The following SCMH1 variants were observed in gnomAD, a reference collection of about 807,000 sequenced individuals.
SCMH1 encodes Scm polycomb group protein homolog 1, also known as polycomb protein SCMH1.
Under a neutral mutation model 70.8 loss-of-function variants are expected in SCMH1, and 37 were observed. The observed-to-expected ratio is 0.52, with a 90% confidence interval of 0.40 to 0.69. SCMH1 has a LOEUF of 0.69. SCMH1 is among the 30% of genes least tolerant of loss of function. The probability of loss-of-function intolerance (pLI) is 0.00; values close to 1 mark genes in which losing one functional copy is unlikely to be tolerated. For missense variants in SCMH1, 607 were observed against 827.3 expected (o/e 0.73, Z 3.27); for synonymous variants, 292 against 307.4 (o/e 0.95, Z 0.52).
chr1:41,057,211 C>A (rs1442915352), intron 10 of SCMH1, among the ~76,000 whole-genome samples: 2 of 152,102 alleles, frequency 1.3e-5, no homozygotes, highest in Non-Finnish European at 2.9e-5. Flanking sequence ...TGCTTCCCAT[C>A]GCTCCACATC....
rs562409868 is a variant in SCMH1 at position 41,108,803 on chromosome 1, G to C, written c.745+4480C>G. Among the ~76,000 whole-genome samples the C allele has an allele frequency of 2.6e-5, 4 of 152,248 alleles. No individual in the cohort carries two copies. In the South Asian group the frequency reaches 8.3e-4, roughly 32 times the overall value. On this transcript the variant is annotated intron_variant, in intron 8 of 14. Coordinates refer to ENST00000337495, the Ensembl canonical transcript of SCMH1. ...GGAGTCACCTGCTACCTATTCCCAA[G>C]ATCATTAAACTAGATAGTATTACAG...
At chr1:41,207,166 C>T (rs1159892967) in intron 1 of SCMH1, among the ~76,000 whole-genome samples, 1 of 152,184 alleles carries the variant, frequency 6.6e-6, no homozygotes, top group East Asian at 1.9e-4. Flanking sequence ...ATCATAATGA[C>T]AGGATCAAAT....
intron 10 of SCMH1, among the ~76,000 whole-genome samples, chr1:41,060,940 G>T (rs1481390849): frequency 6.6e-6 from 1 of 152,098 alleles, no homozygotes; most frequent in Non-Finnish European, 1.5e-5. Context: ...TCCCAACTCG[G>T]CCTCCCAAAG....
intron 6 of SCMH1, among the ~76,000 whole-genome samples, chr1:41,124,974 A>G (rs964365550): frequency 2.0e-5 from 3 of 152,206 alleles, no homozygotes; most frequent in African/African-American, 7.2e-5. Flanking sequence ...CAGGAGGCAC[A>G]TAATGTCAGT....
At position 41,065,394 on chromosome 1, in the gene SCMH1, A is replaced by G. The variant is rs115002351; in HGVS notation, c.1105+5201T>C. ...TGAGGTGGGAGGATAGCTTAAGCCC[A>G]GGAAGATTGAGGCTGCAGTGAGCTG... On this transcript the variant is annotated intron_variant, in intron 10 of 14. Transcript: ENST00000337495. Among the ~76,000 whole-genome samples, 946 of 152,156 alleles carry G rather than the reference A, an allele frequency of 6.2e-3. 16 individuals carry two copies. Among genetic ancestry groups the G allele is most frequent in the African/African-American group, 0.022 (903 of 41,500 alleles).
At chr1:41,189,480 C>T (rs1651131233) in intron 1 of SCMH1, among the ~76,000 whole-genome samples, 2 of 152,188 alleles carry the variant, frequency 1.3e-5, no homozygotes, top group South Asian at 4.1e-4. Context: ...TCAGCTGATT[C>T]TCTGTCTCCA....
chr1:41,100,310 CAACAACAAA>C (rs1666228473), intron 8 of SCMH1, among the ~76,000 whole-genome samples: 1 of 151,832 alleles, frequency 6.6e-6, no homozygotes, highest in Non-Finnish European at 1.5e-5. Flanking sequence ...TCGTCTCTAA[CAACAACAAA>C]AAAAGGTACT....
At chr1:41,170,733 T>G (rs530272702) in intron 2 of SCMH1, among the ~76,000 whole-genome samples, 12 of 152,340 alleles carry the variant, frequency 7.9e-5, no homozygotes, top group African/African-American at 2.9e-4. Flanking sequence ...AAGAGTTATC[T>G]GCAGTTATTG....
chr1:41,084,912 G>A (rs1429750309), intron 8 of SCMH1, among the ~76,000 whole-genome samples: 1 of 148,170 alleles, frequency 6.7e-6, no homozygotes, highest in Non-Finnish European at 1.5e-5. Flanking sequence ...TCACTCATAG[G>A]TGGGAATTGA....
chr1:41,038,458 T>A (rs1384700655), intron 12 of SCMH1, among the ~76,000 whole-genome samples: 2 of 152,160 alleles, frequency 1.3e-5, no homozygotes, highest in Non-Finnish European at 2.9e-5. Flanking sequence ...TTCAAAGACA[T>A]CAAGTGTTTA....
rs953620385 is a variant in SCMH1 at position 41,034,193 on chromosome 1, C to G, written c.1678+3169G>C. Reference sequence around the variant, plus strand: ...CTAGAATCAGCGCTCAGCTCTGCCTCTCTACTTGAGAGCCCTTTAGATTCC... The same window carrying G: ...CTAGAATCAGCGCTCAGCTCTGCCTGTCTACTTGAGAGCCCTTTAGATTCC... On this transcript the variant is annotated intron_variant, in intron 13 of 14. Coordinates refer to ENST00000337495, the Ensembl canonical transcript of SCMH1. The G allele has an allele frequency of 6.2e-6, 7 of 1,136,718 alleles. No individual in the cohort carries two copies. In the Admixed American group the frequency reaches 2.0e-4, roughly 33 times the overall value. The allele number at this position is 1,136,718 out of a possible 1,614,324, so 70.4% of individuals were successfully genotyped here. A position where few individuals can be genotyped will look rare whatever the true frequency, so the allele number is the denominator to read the frequency against.
At chr1:41,061,716 A>T (rs1652719524) in intron 10 of SCMH1, among the ~76,000 whole-genome samples, 1 of 152,238 alleles carries the variant, frequency 6.6e-6, no homozygotes, top group South Asian at 2.1e-4. Flanking sequence ...ATAGCCCCTC[A>T]ATCAACTGAA....
At chr1:41,236,551 T>A (rs1329674408) in intron 1 of SCMH1, among the ~76,000 whole-genome samples, 2 of 152,208 alleles carry the variant, frequency 1.3e-5, no homozygotes, top group Non-Finnish European at 2.9e-5. Flanking sequence ...ACCGTTTGAT[T>A]CTGGGACAAA....
At chr1:41,056,787 T>C (rs1319036029) in intron 10 of SCMH1, among the ~76,000 whole-genome samples, 1 of 152,146 alleles carries the variant, frequency 6.6e-6, no homozygotes, top group African/African-American at 2.4e-5. Context: ...GGAGTCCCAG[T>C]CACTGGGGAG....
At chr1:41,037,587 A>G in intron 12 of SCMH1, 46 bp from the exon 13 acceptor site, 1 of 1,557,598 alleles carries the variant, frequency 6.4e-7, no homozygotes, top group Non-Finnish European at 8.8e-7. Context: ...GGACTGCCAG[A>G]GTGCTGGCTC....
At chr1:41,030,362 C>G (rs4660183) in intron 13 of SCMH1, among the ~76,000 whole-genome samples, 147,394 of 152,306 alleles carry the variant, frequency 0.97, 71,362 homozygotes, top group Admixed American at 0.99. Flanking sequence ...TCCATCAGCT[C>G]AGCCTTCCTA....
chr1:41,160,799 G>C, intron 4 of SCMH1, 76 bp downstream of exon 4: 1 of 1,381,058 alleles, frequency 7.2e-7, no homozygotes. Flanking sequence ...TTCCTCGTTG[G>C]TTAAAACTGG....
chr1:41,111,082 T>A (rs993130301), intron 8 of SCMH1, among the ~76,000 whole-genome samples: 1 of 152,242 alleles, frequency 6.6e-6, no homozygotes, highest in Non-Finnish European at 1.5e-5. Context: ...GTGTATGTTA[T>A]CTGGAGAAAT....
intron 1 of SCMH1, among the ~76,000 whole-genome samples, chr1:41,231,920 G>T (rs1243271451): frequency 1.3e-5 from 2 of 151,888 alleles, no homozygotes; most frequent in African/African-American, 2.4e-5. Flanking sequence ...TACTCAGGAG[G>T]CTGAGGCAGG....
Sources: allele counts gnomAD v4.1 joint callset (sites outside exome capture counted in the v4.1 genomes callset), GRCh38; gene constraint gnomAD v4.1.1; transcripts MANE v1.5; gene names NCBI Gene and HGNC (gene_info 2026-07-23, HGNC 2026-07-21).